The following ATP13A3 variants were observed in gnomAD, a reference collection of about 807,000 sequenced individuals.
The protein encoded by ATP13A3 is polyamine-transporting ATPase 13A3.
Under a neutral mutation model 158.1 loss-of-function variants are expected in ATP13A3, and 59 were observed. The ratio of observed to expected loss-of-function variants is 0.37; its 90% CI spans 0.30 to 0.46. The LOEUF (loss-of-function observed/expected upper bound fraction) is 0.46. Ranked by LOEUF, ATP13A3 falls within the 20% of genes least tolerant of loss-of-function variation. The pLI, the probability that ATP13A3 is intolerant of heterozygous loss-of-function variation, is 1.00. For synonymous variants in ATP13A3, 491 were observed against 504.3 expected (o/e 0.97, Z 0.35); for missense variants, 1,166 against 1,525.2 (o/e 0.76, Z 3.92).
At chr3:194,465,568 G>A (rs761802917) in intron 2 of ATP13A3, among the ~76,000 whole-genome samples, 2 of 152,042 alleles carry the variant, frequency 1.3e-5, no homozygotes, top group African/African-American at 2.4e-5. Flanking sequence ...AAGGGTATTC[G>A]GGTTTTTGCT....
At chr3:194,447,239 T>A (rs965163859) in intron 13 of ATP13A3, 124 bp from the exon 14 acceptor site, 23 of 746,438 alleles carry the variant, frequency 3.1e-5, no homozygotes, top group African/African-American at 2.9e-4. Context: ...TGTATGTGTG[T>A]GTATATACAT....
At chr3:194,412,387 A>G in intron 32 of ATP13A3, 99 bp from the exon 33 acceptor site, 1 of 904,714 alleles carries the variant, frequency 1.1e-6, no homozygotes, top group South Asian at 1.5e-5. Flanking sequence ...ATAATTGATG[A>G]AAAGGATATT....
At chr3:194,421,944 C>CTAAAAAAAAAAAAAA (rs1716416429) in intron 30 of ATP13A3, among the ~76,000 whole-genome samples, 1 of 97,504 alleles carries the variant, frequency 1.0e-5, no homozygotes, top group African/African-American at 4.3e-5. Flanking sequence ...GTGTCGTTGG[C>CTAAAAAAAAAAAAAA]AAAAAAAAAA....
chr3:194,411,568 C>T (rs998177872), intron 33 of ATP13A3, among the ~76,000 whole-genome samples: 2 of 152,180 alleles, frequency 1.3e-5, no homozygotes, highest in African/African-American at 2.4e-5. Flanking sequence ...CTCTTTACCA[C>T]AGAACTTGCA....
chr3:194,427,287 T>G, intron 28 of ATP13A3, 35 bp from the exon 29 acceptor site: 1 of 1,545,308 alleles, frequency 6.5e-7, no homozygotes, highest in Non-Finnish European at 8.7e-7. Flanking sequence ...AGGTTTGTAT[T>G]TACATTAATC....
At chr3:194,408,021 CTTTTT>C (rs778831468) in intron 33 of ATP13A3, among the ~76,000 whole-genome samples, 3 of 138,322 alleles carry the variant, frequency 2.2e-5, no homozygotes, top group African/African-American at 5.3e-5. Context: ...AAGCTGTCAC[CTTTTT>C]TTTTTTTTTT....
chr3:194,414,108 G>A (rs1379805048), intron 31 of ATP13A3, among the ~76,000 whole-genome samples: 1 of 152,066 alleles, frequency 6.6e-6, no homozygotes, highest in Non-Finnish European at 1.5e-5. Context: ...AAAAGCCCAT[G>A]CTCTACTAGA....
chr3:194,493,594 C>T (rs1212479245), intron 2 of ATP13A3, among the ~76,000 whole-genome samples: 2 of 152,108 alleles, frequency 1.3e-5, no homozygotes, highest in African/African-American at 4.8e-5. Context: ...TTGCAGTGAG[C>T]TGAGATCACG....
chr3:194,405,683 A>G lies in ATP13A3; in HGVS notation c.*236T>C, dbSNP rs1714882391. ...CAAGAAAATTCTGGAAATGTATGTA[A>G]TATTTGGGTTGCTGAATGAAGATAT... On this transcript the variant is annotated 3_prime_UTR_variant, in exon 34 of 34. Coordinates refer to ENST00000645319, the MANE Select transcript of ATP13A3 (RefSeq NM_001367549.1). 1 of 446,920 alleles carries G rather than the reference A, an allele frequency of 2.2e-6. No homozygotes were observed. The highest frequency in any genetic ancestry group is 4.0e-6 in the Non-Finnish European group (1 of 250,200). The allele number at this position is 446,920 out of a possible 1,614,324, so 27.7% of individuals were successfully genotyped here.
chr3:194,438,327 A>G (rs571644577), intron 17 of ATP13A3, among the ~76,000 whole-genome samples: 179 of 152,346 alleles, frequency 1.2e-3, no homozygotes, highest in Non-Finnish European at 2.3e-3. Context: ...ATTTCAGGTA[A>G]CTTAAAAAAT....
At chr3:194,475,445 C>G (rs891079730) in intron 2 of ATP13A3, among the ~76,000 whole-genome samples, 5 of 152,150 alleles carry the variant, frequency 3.3e-5, no homozygotes, top group Non-Finnish European at 7.3e-5. Flanking sequence ...ATAAATGTAA[C>G]TCATAGGTAC....
At chr3:194,451,962 C>T (rs1026085746) in intron 10 of ATP13A3, 1 of 152,292 alleles carries the variant, frequency 6.6e-6, no homozygotes, top group African/African-American at 2.4e-5. Flanking sequence ...TTCGGGGGGG[C>T]ATGTCTTCAG....
intron 2 of ATP13A3, among the ~76,000 whole-genome samples, chr3:194,493,505 G>C (rs1721169019): frequency 6.6e-6 from 1 of 152,026 alleles, no homozygotes; most frequent in Non-Finnish European, 1.5e-5. Context: ...AAATTAGCCA[G>C]GTGTGATGTC....
chr3:194,447,944 G>T lies in ATP13A3; in HGVS notation c.1216C>A (p.Leu406Ile). 6.2e-7 allele frequency: 1 copy of T among 1,610,932 alleles called. No individual in the cohort carries two copies. The highest frequency in any genetic ancestry group is 1.1e-5 in the South Asian group (1 of 90,996). ...AGAAACAAGTAGGCATCTCTGTAGA[G>T]TTTAAAATCAGTTGGTTTGGGATAC... ...ILYPKPTDFKLYRDAYLFLLC... is the reference protein window; with the variant it reads ...ILYPKPTDFKIYRDAYLFLLC... Residue 406 changes from leucine (L) to isoleucine (I), a missense_variant, in exon 13 of 34, where the codon CTC becomes ATC. Physicochemically the swap from Leu to Ile is conservative, Grantham distance 5. Around this residue, in one of 3 missense-constraint regions of ATP13A3, gnomAD observed 997 missense variants for 1,341.2 expected, o/e 0.74. Transcript: ENST00000645319.
Position 194,455,966 on chromosome 3 carries a change from T to C in ATP13A3, c.561-4A>G, listed in dbSNP as rs774703178. 19 of 1,508,306 alleles carry C rather than the reference T, an allele frequency of 1.3e-5. No homozygotes were observed. Among genetic ancestry groups the C allele is most frequent in the Middle Eastern group, 3.5e-4 (2 of 5,796 alleles). 93.4% of individuals were successfully genotyped at this position (1,508,306 alleles called of 1,614,324 possible). ...ATTTACTCCATAAAGCAGTTTTCTA[T>C]AACAGGAAAATACATTCATAGTATT... On this transcript the variant is annotated splice_region_variant and splice_polypyrimidine_tract_variant and intron_variant, in intron 7 of 33. Transcript: ENST00000645319.
chr3:194,447,138 T>C (rs975066757), intron 13 of ATP13A3, 23 bp from the exon 14 acceptor site: 1 of 1,566,200 alleles, frequency 6.4e-7, no homozygotes, highest in Admixed American at 1.9e-5. Flanking sequence ...CAAAAATAAA[T>C]GTCAAATCCC....
At chr3:194,454,469 A>C in intron 8 of ATP13A3, 77 bp from the exon 9 acceptor site, 1 of 1,397,468 alleles carries the variant, frequency 7.2e-7, no homozygotes, top group Middle Eastern at 2.1e-4. Context: ...TCATTTGACA[A>C]ACAAAAAGAT....
At position 194,413,778 on chromosome 3, in the gene ATP13A3, A is replaced by C. The variant is rs374961574; in HGVS notation, c.3464T>G (p.Phe1155Cys). ...GCTTACCTCCACTGTGATAGACACA[A>C]AGGCATTGACAAGAACAATGATGAG... ...TMLIIVLVNA[F>C]VSITVENFFL... Residue 1155 changes from phenylalanine (F) to cysteine (C), a missense_variant, in exon 32 of 34, where the codon TTT becomes TGT. By Grantham distance (205) the Phe-to-Cys change is radical (BLOSUM62 -2). This residue lies in a region of ATP13A3 where 997 missense variants were observed against 1,341.2 expected (regional missense o/e 0.74). Transcript: ENST00000645319. 6 of 1,613,634 alleles carry C rather than the reference A, an allele frequency of 3.7e-6. No individual in the cohort carries two copies. Among genetic ancestry groups the C allele is most frequent in the Non-Finnish European group, 5.1e-6 (6 of 1,179,664 alleles).
At chr3:194,436,911 C>T (rs1717684358) in intron 20 of ATP13A3, among the ~76,000 whole-genome samples, 184 bp downstream of exon 20, 1 of 152,154 alleles carries the variant, frequency 6.6e-6, no homozygotes, top group African/African-American at 2.4e-5. Flanking sequence ...AAAAAAAAAC[C>T]CAGAATGAAA....
Sources: allele counts gnomAD v4.1 joint callset (sites outside exome capture counted in the v4.1 genomes callset), GRCh38; gene constraint gnomAD v4.1.1; regional missense constraint gnomAD v4.1.1; transcripts MANE v1.5; gene names NCBI Gene and HGNC (gene_info 2026-07-23, HGNC 2026-07-21).